KIAA1549: variants seen among roughly 807,000 people sequenced by gnomAD.
The protein encoded by KIAA1549 is UPF0606 protein KIAA1549.
Under a neutral mutation model 156.4 loss-of-function variants are expected in KIAA1549, and 70 were observed. That is an observed-to-expected ratio of 0.45 (90% CI 0.37 to 0.55). The LOEUF (loss-of-function observed/expected upper bound fraction) is 0.55. Ranked by LOEUF, KIAA1549 falls within the 20% of genes least tolerant of loss-of-function variation. The pLI, the probability that KIAA1549 is intolerant of heterozygous loss-of-function variation, is 0.00. For missense variants in KIAA1549, 2,428 were observed against 2,540.9 expected (o/e 0.96, Z 0.96); for synonymous variants, 1,103 against 1,066.4 (o/e 1.03, Z -0.67).
intron 9 of KIAA1549, 21 bp downstream of exon 9, chr7:138,898,934 G>A (rs987794841): frequency 4.3e-6 from 7 of 1,612,530 alleles, no homozygotes; most frequent in South Asian, 2.2e-5. Context: ...CAGCACAGAC[G>A]ACAACACCTC....
In KIAA1549 at chr7:138,981,326, G is replaced by GGCGGCC; in HGVS notation, c.-63_-58dup. On this transcript the variant is annotated 5_prime_UTR_variant, in exon 1 of 20. Transcript: ENST00000422774. The surrounding 1 kb of genome is among the most constrained non-coding windows in gnomAD (Gnocchi z 4.5). ...CTCAGCGGCTCTCGGGTCCGGGAGG[G>GGCGGCC]GCGGCCGCTGCGGCTGCGGCTGGGA... 1 of 741,974 alleles carries GGCGGCC rather than the reference G, an allele frequency of 1.3e-6. No homozygotes were observed. The highest frequency in any genetic ancestry group is 1.6e-6 in the Non-Finnish European group (1 of 610,696). The allele number at this position is 741,974 out of a possible 1,614,324, so 46.0% of individuals were successfully genotyped here. A position where few individuals can be genotyped will look rare whatever the true frequency, so the allele number is the denominator to read the frequency against.
intron 12 of KIAA1549, among the ~76,000 whole-genome samples, chr7:138,873,045 C>G (rs1810983138): frequency 6.6e-6 from 1 of 152,202 alleles, no homozygotes; most frequent in South Asian, 2.1e-4. Context: ...AAAAGCCTAA[C>G]ATTTGAAACT....
At chr7:138,972,021 C>T (rs929594032) in intron 1 of KIAA1549, among the ~76,000 whole-genome samples, 11 of 152,038 alleles carry the variant, frequency 7.2e-5, no homozygotes, top group Non-Finnish European at 1.5e-4. Context: ...AAGTAGAGGT[C>T]GTGACAGTCA....
intron 1 of KIAA1549, among the ~76,000 whole-genome samples, chr7:138,978,169 C>T (rs1356929461): frequency 6.6e-6 from 1 of 151,938 alleles, no homozygotes; most frequent in Non-Finnish European, 1.5e-5. Context: ...TACAATTGTG[C>T]ATATAATTCT....
In KIAA1549 at chr7:138,917,030, C is replaced by A. The variant is rs367579842; in HGVS notation, c.2596G>T (p.Val866Leu). 1.9e-6 allele frequency: 3 copies of A among 1,605,546 alleles called. No individual in the cohort carries two copies. The South Asian group carries it at 3.4e-5, about 18-fold the overall frequency. The part of the protein sequence containing the change: ...PFPLPTELTV[V>L]GPSLTPTEVP... The stretch of plus-strand genomic sequence containing the variant: ...TCTGTGGGTGTGAGTGATGGGCCCA[C>A]GACGGTCAGCTCTGTGGGCAGAGGG... The change falls in exon 2 of 20, where the codon GTG (valine) becomes TTG (leucine). Residue 866 changes from valine to leucine, a missense_variant. Val to Leu is a conservative substitution (Grantham distance 32). This residue lies in a region of KIAA1549 where 762 missense variants were observed against 901.6 expected (regional missense o/e 0.85). Transcript: ENST00000422774.
intron 1 of KIAA1549, among the ~76,000 whole-genome samples, chr7:138,964,429 CT>C (rs1255313212): frequency 6.6e-6 from 1 of 152,228 alleles, no homozygotes; most frequent in African/African-American, 2.4e-5. Context: ...TTTTCCTCAT[CT>C]GTAAAATGGG....
intron 19 of KIAA1549, among the ~76,000 whole-genome samples, chr7:138,838,717 A>G (rs1005226543): frequency 6.6e-6 from 1 of 152,012 alleles, no homozygotes; most frequent in Non-Finnish European, 1.5e-5. Context: ...CTTTGCATTT[A>G]TATGTAAGAG....
rs116687414 is a variant in KIAA1549, at chr7:138,921,295, T to C, written c.188-1857A>G. Among the ~76,000 whole-genome samples, 1,187 of 152,322 alleles carry C rather than the reference T, an allele frequency of 7.8e-3. 20 individuals are homozygous for C. The highest frequency in any genetic ancestry group is 0.027 in the African/African-American group (1,119 of 41,556). On this transcript the variant is annotated intron_variant, in intron 1 of 19. Transcript: ENST00000422774. ...TGACTTTCCCTTTTCCCTGTTGAAC[T>C]CTCCTCAGTCTCTCACTTCTGTTCC...
chr7:138,917,080 G>C lies in KIAA1549; in HGVS notation c.2546C>G (p.Ser849Trp). 2 of 1,607,620 alleles carry C rather than the reference G, an allele frequency of 1.2e-6. No individual in the cohort carries two copies. The highest frequency in any genetic ancestry group is 1.7e-6 in the Non-Finnish European group (2 of 1,177,106). Reference protein sequence around the residue: ...ITDAYLPSGSSFVSEATPFPL... With the variant: ...ITDAYLPSGSWFVSEATPFPL... ...GAAGGGGGTTGCTTCAGAAACAAAC[G>C]AGGATCCTGATGGCAGGTACGCGTC... The change falls in exon 2 of 20, where the codon TCG (serine) becomes TGG (tryptophan). Residue 849 changes from serine to tryptophan, a missense_variant. By Grantham distance (177) the Ser-to-Trp change is radical (BLOSUM62 -3). This residue lies in a region of KIAA1549 where 762 missense variants were observed against 901.6 expected (regional missense o/e 0.85). Coordinates refer to ENST00000422774, the MANE Select transcript of KIAA1549 (RefSeq NM_001164665.2).
chr7:138,940,803 T>TA (rs1490003864), intron 1 of KIAA1549, among the ~76,000 whole-genome samples: 1 of 152,272 alleles, frequency 6.6e-6, no homozygotes, highest in Non-Finnish European at 1.5e-5. Context: ...TTTGGCTGCA[T>TA]AAGTGTCTTC....
chr7:138,869,119 T>A (rs957344340), intron 14 of KIAA1549, among the ~76,000 whole-genome samples: 1 of 152,026 alleles, frequency 6.6e-6, no homozygotes, highest in African/African-American at 2.4e-5. Context: ...CCAGCCTGGG[T>A]GGCTCCGGGA....
At chr7:138,949,393 A>G (rs940654965) in intron 1 of KIAA1549, among the ~76,000 whole-genome samples, 3 of 152,222 alleles carry the variant, frequency 2.0e-5, no homozygotes, top group Non-Finnish European at 4.4e-5. Flanking sequence ...TAATGTCAGG[A>G]TAGACCCGCA....
At chr7:138,858,682 A>G (rs546835283) in intron 16 of KIAA1549, among the ~76,000 whole-genome samples, 1 of 152,202 alleles carries the variant, frequency 6.6e-6, no homozygotes, top group South Asian at 2.1e-4. Flanking sequence ...ACTGTTGGAA[A>G]AGGAACCATA....
chr7:138,881,497 G>C lies in KIAA1549; in HGVS notation c.4120C>G (p.Pro1374Ala). Residue 1374 changes from proline to alanine, a missense_variant, in exon 11 of 20, where the codon CCA becomes GCA. By Grantham distance (27) the Pro-to-Ala change is conservative. Around this residue, in one of 5 missense-constraint regions of KIAA1549, gnomAD observed 762 missense variants for 901.6 expected, o/e 0.85. Transcript: ENST00000422774. Reference sequence around the variant, plus strand: ...TTCAGAGGTCCTGGCAGTGGCGCTGGCTCATGAATAATCAATATGTCGTCT... The same window carrying C: ...TTCAGAGGTCCTGGCAGTGGCGCTGCCTCATGAATAATCAATATGTCGTCT... ...NKDDILIIHE[P>A]APLPGPLKDH... The C allele has an allele frequency of 6.2e-7, 1 of 1,614,014 alleles. No individual in the cohort carries two copies. The highest frequency in any genetic ancestry group is 2.2e-5 in the East Asian group (1 of 44,892).
intron 1 of KIAA1549, among the ~76,000 whole-genome samples, chr7:138,932,660 G>A (rs1315059792): frequency 6.6e-6 from 1 of 152,218 alleles, no homozygotes; most frequent in Non-Finnish European, 1.5e-5. Context: ...AGTTGAACTT[G>A]AGATGACAGC....
At chr7:138,909,159 G>A in intron 4 of KIAA1549, 38 bp from the exon 5 acceptor site, 1 of 1,587,958 alleles carries the variant, frequency 6.3e-7, no homozygotes, top group Non-Finnish European at 8.6e-7. Flanking sequence ...TAAATGAGGT[G>A]TTTGTGCTTC....
intron 18 of KIAA1549, among the ~76,000 whole-genome samples, chr7:138,842,944 T>C (rs962327855): frequency 3.9e-5 from 6 of 152,308 alleles, no homozygotes; most frequent in Non-Finnish European, 7.4e-5. Flanking sequence ...CACGTCATTT[T>C]CCCCCAATAT....
chr7:138,885,333 C>T (rs569685068), intron 10 of KIAA1549, among the ~76,000 whole-genome samples: 43 of 152,306 alleles, frequency 2.8e-4, no homozygotes, highest in African/African-American at 9.4e-4. Flanking sequence ...AGAAATGGCT[C>T]ATCACAGACA....
chr7:138,953,813 T>C (rs1012394266), intron 1 of KIAA1549, among the ~76,000 whole-genome samples: 4 of 152,258 alleles, frequency 2.6e-5, no homozygotes, highest in Admixed American at 1.3e-4. Flanking sequence ...CAAGCACTTA[T>C]TTCATATCTA....
Sources: gnomAD v4.1 joint callset for allele counts (sites outside exome capture counted in the v4.1 genomes callset) on GRCh38, gnomAD v4.1.1 for gene constraint, gnomAD v4.1.1 regional missense constraint, Gnocchi (gnomAD v3.1) non-coding constraint, MANE v1.5 for transcripts, NCBI Gene and HGNC (gene_info 2026-07-23, HGNC 2026-07-21) for gene names.